The following FANCD2 variants were observed in gnomAD, a reference collection of about 807,000 sequenced individuals.
The protein encoded by FANCD2 is Fanconi anemia group D2 protein.
FANCD2 carries 131 observed loss-of-function variants against 192.3 expected under a neutral mutation model. The ratio of observed to expected loss-of-function variants is 0.68; its 90% CI spans 0.59 to 0.79. The LOEUF is 0.79. Among genes scored for constraint, FANCD2 ranks in the 30% least tolerant of loss-of-function variants. FANCD2 has a pLI of 0.00. For synonymous variants in FANCD2, 524 were observed against 612.5 expected (o/e 0.86, Z 2.13); for missense variants, 1,508 against 1,701.6 (o/e 0.89, Z 2.00).
At chr3:10,082,218 C>G (rs775076333) in intron 32 of FANCD2, among the ~76,000 whole-genome samples, 1 of 152,170 alleles carries the variant, frequency 6.6e-6, no homozygotes, top group Non-Finnish European at 1.5e-5. Context: ...CTTTGTCCCT[C>G]CCTCTGCTCT....
chr3:10,054,296 T>C (rs2087308164), intron 18 of FANCD2, among the ~76,000 whole-genome samples: 1 of 147,930 alleles, frequency 6.8e-6, no homozygotes, highest in Non-Finnish European at 1.5e-5. Context: ...TGCTACCTTA[T>C]GGCAGTAATT....
At chr3:10,071,303 A>G (rs1050861807) in intron 26 of FANCD2, among the ~76,000 whole-genome samples, 2 of 152,242 alleles carry the variant, frequency 1.3e-5, no homozygotes, top group African/African-American at 4.8e-5. Context: ...AAAACTAAAA[A>G]TAGAATCACC....
chr3:10,101,690 G>A lies in FANCD2; in HGVS notation c.*428G>A, dbSNP rs1346711725. ...GAGCCACCGCTCCCAGCCATATTTT[G>A]TTCTTAAAGTGGGGTCTTTATTAAC... On this transcript the variant is annotated 3_prime_UTR_variant, in exon 44 of 44. Transcript: ENST00000675286. 3.7e-6 allele frequency: 1 copy of A among 273,162 alleles called. No homozygotes were observed. The allele number at this position is 273,162 out of a possible 1,614,324, so 16.9% of individuals were successfully genotyped here. A position where few individuals can be genotyped will look rare whatever the true frequency, so the allele number is the denominator to read the frequency against.
intron 40 of FANCD2, among the ~76,000 whole-genome samples, chr3:10,094,569 A>G (rs1178919463): frequency 6.6e-6 from 1 of 151,848 alleles, no homozygotes; most frequent in Non-Finnish European, 1.5e-5. Context: ...CCACCTTTCT[A>G]TTTCTTCTCC....
In FANCD2 at chr3:10,074,642, A is replaced by G; in HGVS notation, c.2828A>G (p.Lys943Arg). The change falls in exon 29 of 44, where the codon AAG becomes AGG. Residue 943 changes from lysine to arginine, a missense_variant. Physicochemically the swap from Lys to Arg is conservative, Grantham distance 26 (BLOSUM62 2). This residue lies in a region of FANCD2 where 796 missense variants were observed against 879.4 expected (regional missense o/e 0.91). Coordinates refer to ENST00000675286, the MANE Select transcript of FANCD2 (RefSeq NM_001018115.3). ...ATTCTACATTGTGGACTTGTGACGA[A>G]GTTCATCTTAGATACTGAAATGCAC... is the stretch of plus-strand genomic sequence containing the variant. The part of the protein sequence containing the change: ...FSILHCGLVT[K>R]FILDTEMHTE... The G allele has an allele frequency of 6.2e-7, 1 of 1,613,868 alleles. No individual in the cohort carries two copies. Among genetic ancestry groups the G allele is most frequent in the Non-Finnish European group, 8.5e-7 (1 of 1,179,860 alleles).
At position 10,095,217 on chromosome 3, in the gene FANCD2, A is replaced by T; in HGVS notation, c.3981A>T (p.Leu1327Phe). ...GGTTATAGGAAGATGTTCTGAGCTT[A>T]CTGGAAACCTTCCAGTTGGACACAA... ...FRKHREDVLSLLETFQLDTRL... is the reference protein window; with the variant it reads ...FRKHREDVLSFLETFQLDTRL... The change falls in exon 41 of 44, where the codon TTA (leucine) becomes TTT (phenylalanine). Residue 1327 changes from leucine (L) to phenylalanine (F), a missense_variant. Leu to Phe is a conservative substitution (Grantham distance 22, BLOSUM62 0). This residue lies in a region of FANCD2 where 796 missense variants were observed against 879.4 expected (regional missense o/e 0.91). Transcript: ENST00000675286. 6.2e-7 allele frequency: 1 copy of T among 1,614,000 alleles called. No homozygotes were observed. Among genetic ancestry groups the T allele is most frequent in the Non-Finnish European group, 8.5e-7 (1 of 1,179,840 alleles).
chr3:10,093,673 C>G (rs1288167649), intron 39 of FANCD2, among the ~76,000 whole-genome samples: 1 of 152,152 alleles, frequency 6.6e-6, no homozygotes, highest in African/African-American at 2.4e-5. Context: ...GGTGGCCTTA[C>G]AAATGTGGGA....
At position 10,062,602 on chromosome 3, in the gene FANCD2, G is replaced by C. The variant is rs372172170; in HGVS notation, c.1827+391G>C. ...AACTGAAGAATTGCTTCTAGTCACT[G>C]TCAGTTCACCAGAAAGTGCTTCTTT... On this transcript the variant is annotated intron_variant, in intron 20 of 43. Transcript: ENST00000675286. Among the ~76,000 whole-genome samples, 11 of 152,272 alleles carry C rather than the reference G, an allele frequency of 7.2e-5. 1 individual carries two copies. In the East Asian group the frequency reaches 9.6e-4, roughly 13 times the overall value.
chr3:10,034,522 C>A lies in FANCD2; in HGVS notation c.259C>A (p.Pro87Thr). The A allele has an allele frequency of 6.2e-7, 1 of 1,610,298 alleles. No individual in the cohort carries two copies. Among genetic ancestry groups the A allele is most frequent in the East Asian group, 2.2e-5 (1 of 44,842 alleles). The change falls in exon 4 of 44, where the codon CCT (proline) becomes ACT (threonine). Residue 87 changes from proline (P) to threonine (T), a missense_variant. Coordinates refer to ENST00000675286, the MANE Select transcript of FANCD2 (RefSeq NM_001018115.3). Reference sequence around the variant, plus strand: ...GCTCTTTCAGACCCTGAGGAGACACCCTTCCTATCCCAAAGTATGTATTTT... The same window carrying A: ...GCTCTTTCAGACCCTGAGGAGACACACTTCCTATCCCAAAGTATGTATTTT... ...KKLFQTLRRH[P>T]SYPKIIEEFV...
intron 25 of FANCD2, 41 bp from the exon 26 acceptor site, chr3:10,067,168 T>C (rs367989108): frequency 7.9e-7 from 1 of 1,264,712 alleles, no homozygotes; most frequent in Non-Finnish European, 1.1e-6. Flanking sequence ...GGTTAAAATC[T>C]GAACATTTGG....
At chr3:10,036,824 C>G (rs1559371695) in intron 7 of FANCD2, among the ~76,000 whole-genome samples, 1 of 151,878 alleles carries the variant, frequency 6.6e-6, no homozygotes, top group Non-Finnish European at 1.5e-5. Context: ...GAATACTTTT[C>G]TTTACCTTTT....
rs549347680 is a variant in FANCD2 at position 10,056,116 on chromosome 3, T to G, written c.1656+3619T>G. Among the ~76,000 whole-genome samples, 149 of 152,330 alleles carry G rather than the reference T, an allele frequency of 9.8e-4. 2 individuals are homozygous for G. Among genetic ancestry groups the G allele is most frequent in the African/African-American group, 3.3e-3 (138 of 41,582 alleles). On this transcript the variant is annotated intron_variant, in intron 18 of 43. Coordinates refer to ENST00000675286, the MANE Select transcript of FANCD2 (RefSeq NM_001018115.3). ...CTGGTCTTGAACTCCTCACCTCAGG[T>G]GATCCGCCTGCCTCGGCCTCCCAAA...
rs1173599413 is a variant in FANCD2, at chr3:10,101,237, A to G, written c.4331A>G (p.Asp1444Gly). Residue 1444 changes from aspartate to glycine, a missense_variant, in exon 44 of 44, where the codon GAT (aspartate) becomes GGT (glycine). This residue lies in a region of FANCD2 where 796 missense variants were observed against 879.4 expected (regional missense o/e 0.91). Transcript: ENST00000675286. ...VSAGEKEQDS[D>G]ESYDDSD ...GCTGGAGAAAAGGAGCAAGATAGTGATGAGAGTTATGATGACTCTGATTAG... is the reference window on the plus strand; with the variant it reads ...GCTGGAGAAAAGGAGCAAGATAGTGGTGAGAGTTATGATGACTCTGATTAG... 3 of 1,613,108 alleles carry G rather than the reference A, an allele frequency of 1.9e-6. No homozygotes were observed. Among genetic ancestry groups the G allele is most frequent in the East Asian group, 2.2e-5 (1 of 44,874 alleles).
At position 10,087,124 on chromosome 3, in the gene FANCD2, C is replaced by T; in HGVS notation, c.3336-10C>T. The T allele has an allele frequency of 6.2e-7, 1 of 1,613,954 alleles. No individual in the cohort carries two copies. The highest frequency in any genetic ancestry group is 8.5e-7 in the Non-Finnish European group (1 of 1,179,932). ...TATTGCATTTGTTTGTTTTTCTTGT[C>T]TCCTTACAGCCAGAGCGTCCATTAC... On this transcript the variant is annotated splice_polypyrimidine_tract_variant and intron_variant, in intron 33 of 43. Coordinates refer to ENST00000675286, the MANE Select transcript of FANCD2 (RefSeq NM_001018115.3).
chr3:10,034,555 G>C lies in FANCD2; in HGVS notation c.273+19G>C. 6.3e-7 allele frequency: 1 copy of C among 1,596,662 alleles called. No homozygotes were observed. Among genetic ancestry groups the C allele is most frequent in the Middle Eastern group, 1.7e-4 (1 of 6,042 alleles). ...TCCCAAAGTATGTATTTTTCCCCTG[G>C]TATTTTTGCTTGTGCCAGCATAACT... On this transcript the variant is annotated intron_variant, in intron 4 of 43. Coordinates refer to ENST00000675286, the MANE Select transcript of FANCD2 (RefSeq NM_001018115.3).
At chr3:10,047,822 A>C (rs1259105385) in intron 15 of FANCD2, 95 bp from the exon 16 acceptor site, 1 of 1,447,144 alleles carries the variant, frequency 6.9e-7, no homozygotes, top group Non-Finnish European at 9.6e-7. Flanking sequence ...GCTAGGGAGG[A>C]GAAGTCTGAC....
At chr3:10,067,804 C>G (rs2087763087) in intron 26 of FANCD2, among the ~76,000 whole-genome samples, 1 of 152,074 alleles carries the variant, frequency 6.6e-6, no homozygotes, top group Non-Finnish European at 1.5e-5. Flanking sequence ...ATCTCAAAAA[C>G]AAACAAAAGA....
intron 43 of FANCD2, among the ~76,000 whole-genome samples, chr3:10,100,696 T>C (rs985465441): frequency 6.6e-6 from 1 of 152,142 alleles, no homozygotes; most frequent in Non-Finnish European, 1.5e-5. Flanking sequence ...GTAATAAATA[T>C]TTCATTCTAT....
Position 10,101,202 on chromosome 3 carries a change from C to A in FANCD2, c.4296C>A (p.Asp1432Glu). ...KSKATEDGEE[D>E]EVSAGEKEQD... is the part of the protein sequence containing the mutation. ...TTGCCCCTTAGGATGGTGAAGAAGA[C>A]GAAGTAAGTGCTGGAGAAAAGGAGC... The change falls in exon 44 of 44, where the codon GAC (aspartate) becomes GAA (glutamate). Residue 1432 changes from aspartate (D) to glutamate (E), a missense_variant. Transcript: ENST00000675286. 6.2e-7 allele frequency: 1 copy of A among 1,612,758 alleles called. No individual in the cohort carries two copies. The highest frequency in any genetic ancestry group is 8.5e-7 in the Non-Finnish European group (1 of 1,178,972).
Sources: allele counts gnomAD v4.1 joint callset (sites outside exome capture counted in the v4.1 genomes callset), GRCh38; gene constraint gnomAD v4.1.1; regional missense constraint gnomAD v4.1.1; transcripts MANE v1.5; gene names NCBI Gene and HGNC (gene_info 2026-07-23, HGNC 2026-07-21).